NSMCE1: variants seen among roughly 807,000 people sequenced by gnomAD.
NSMCE1 encodes the protein non-structural maintenance of chromosomes element 1 homolog.
A neutral mutation model predicts 29.6 loss-of-function variants in NSMCE1; 18 were observed. The ratio of observed to expected loss-of-function variants is 0.61; its 90% CI spans 0.42 to 0.90. NSMCE1 has a LOEUF of 0.90. Among genes scored for constraint, NSMCE1 ranks in the 40% least tolerant of loss-of-function variants. The probability of loss-of-function intolerance (pLI) is 0.00; values close to 1 mark genes in which losing one functional copy is unlikely to be tolerated. For missense variants in NSMCE1, 314 were observed against 343.6 expected (o/e 0.91, Z 0.68); for synonymous variants, 124 against 133.4 (o/e 0.93, Z 0.49).
At chr16:27,251,214 CTG>C (rs1268296801) in intron 2 of NSMCE1, among the ~76,000 whole-genome samples, 1 of 104,190 alleles carries the variant, frequency 9.6e-6, no homozygotes, top group East Asian at 3.3e-4. Flanking sequence ...ATATAAAACT[CTG>C]TAGAGTTCAG....
At chr16:27,259,254 T>C (rs1470392560) in intron 1 of NSMCE1, among the ~76,000 whole-genome samples, 3 of 152,160 alleles carry the variant, frequency 2.0e-5, no homozygotes, top group Non-Finnish European at 2.9e-5. Flanking sequence ...GCAAATCATC[T>C]GGTGTGGACG....
At chr16:27,231,242 G>A (rs1043732799) in intron 5 of NSMCE1, among the ~76,000 whole-genome samples, 2 of 152,244 alleles carry the variant, frequency 1.3e-5, no homozygotes, top group Non-Finnish European at 2.9e-5. Flanking sequence ...CACCTGTCCA[G>A]TCATCCATTC....
intron 1 of NSMCE1, among the ~76,000 whole-genome samples, chr16:27,267,239 T>C (rs1030551013): frequency 2.0e-5 from 3 of 152,260 alleles, no homozygotes; most frequent in Non-Finnish European, 4.4e-5. Context: ...TTAAATCAAT[T>C]TATTTAAATT....
intron 2 of NSMCE1, chr16:27,241,268 A>G (rs1198789695): frequency 6.6e-6 from 1 of 152,234 alleles, no homozygotes; most frequent in Non-Finnish European, 1.5e-5. Flanking sequence ...CTAGGCAATA[A>G]AAACATAAAA....
At chr16:27,245,712 G>A (rs752920986) in intron 2 of NSMCE1, among the ~76,000 whole-genome samples, 1 of 152,184 alleles carries the variant, frequency 6.6e-6, no homozygotes, top group Non-Finnish European at 1.5e-5. Context: ...CGAGTCACAC[G>A]TTAGATGTTA....
rs1417552358 is a variant in NSMCE1, at chr16:27,232,049, G to A, written c.483+952C>T. Among the ~76,000 whole-genome samples the A allele has an allele frequency of 6.6e-6, 1 of 152,178 alleles. No homozygotes were observed. Among genetic ancestry groups the A allele is most frequent in the African/African-American group, 2.4e-5 (1 of 41,442 alleles). On this transcript the variant is annotated intron_variant, in intron 5 of 7. Coordinates refer to ENST00000361439, the MANE Select transcript of NSMCE1 (RefSeq NM_145080.4). The surrounding 1 kb of genome is among the most constrained non-coding windows in gnomAD (Gnocchi z 4.5). ...GAATTCGGGTCAGGTTCCTGGGACA[G>A]GCCCACCCTAAATAGAAATCAGTAA...
intron 2 of NSMCE1, 136 bp from the exon 3 acceptor site, chr16:27,235,435 G>C: frequency 1.1e-6 from 1 of 895,486 alleles, no homozygotes; most frequent in South Asian, 1.5e-5. Flanking sequence ...GCAGCCTCTT[G>C]GGTGAACGCC....
Position 27,225,770 on chromosome 16 carries a change from G to A in NSMCE1, c.677C>T (p.Pro226Leu), listed in dbSNP as rs953578521. The A allele has an allele frequency of 1.6e-5, 26 of 1,614,040 alleles. No individual in the cohort carries two copies. The highest frequency in any genetic ancestry group is 2.1e-5 in the Non-Finnish European group (25 of 1,180,026). Residue 226 changes from proline to leucine, a missense_variant, in exon 7 of 8, where the codon CCG (proline) becomes CTG (leucine). Physicochemically the swap from Pro to Leu is moderately conservative, Grantham distance 98. Transcript: ENST00000361439. Reference sequence around the variant, plus strand: ...GTAGTCGTTGCAGTGGGGGCAGCGCGGTTCAGCATTCGACTGGAAGTACTT... The same window carrying A: ...GTAGTCGTTGCAGTGGGGGCAGCGCAGTTCAGCATTCGACTGGAAGTACTT... ...VAKYFQSNAEPRCPHCNDYWP... is the reference protein window; with the variant it reads ...VAKYFQSNAELRCPHCNDYWP...
intron 2 of NSMCE1, among the ~76,000 whole-genome samples, chr16:27,248,920 C>T (rs150223351): frequency 6.6e-6 from 1 of 152,138 alleles, no homozygotes; most frequent in Non-Finnish European, 1.5e-5. Flanking sequence ...CCTCTGCCTC[C>T]CAGGCTCAAG....
At chr16:27,235,813 G>A (rs2083816687) in intron 2 of NSMCE1, among the ~76,000 whole-genome samples, 1 of 152,156 alleles carries the variant, frequency 6.6e-6, no homozygotes, top group South Asian at 2.1e-4. Flanking sequence ...TTACATGCCA[G>A]GCTTGTGCTG....
chr16:27,226,949 G>A (rs1017486643), intron 5 of NSMCE1, 113 bp from the exon 6 acceptor site: 24 of 716,658 alleles, frequency 3.3e-5, no homozygotes, highest in Non-Finnish European at 5.6e-5. Context: ...AAGGGTCTAC[G>A]CAGCTTTTCA....
At chr16:27,268,480 G>A (rs764041644) in intron 1 of NSMCE1, 2 of 152,188 alleles carry the variant, frequency 1.3e-5, no homozygotes, top group Non-Finnish European at 2.9e-5. Flanking sequence ...GTTGCGGGAG[G>A]ACATCCCAGT....
intron 2 of NSMCE1, among the ~76,000 whole-genome samples, chr16:27,249,034 T>G (rs138677174): frequency 6.6e-6 from 1 of 152,188 alleles, no homozygotes; most frequent in East Asian, 1.9e-4. Context: ...TTTGTCATGT[T>G]GCCCAGGCTG....
intron 2 of NSMCE1, among the ~76,000 whole-genome samples, chr16:27,237,447 C>T (rs1314037776): frequency 1.3e-5 from 2 of 152,220 alleles, no homozygotes; most frequent in Admixed American, 1.3e-4. Flanking sequence ...TCTTTGCTGG[C>T]GTGGGAGCCG....
intron 3 of NSMCE1, among the ~76,000 whole-genome samples, chr16:27,234,637 T>G (rs1470803359): frequency 1.3e-5 from 2 of 152,232 alleles, no homozygotes; most frequent in Admixed American, 6.5e-5. Context: ...GTTCTTTGAC[T>G]CTGTAATGTT....
chr16:27,228,663 C>A (rs1349854735), intron 5 of NSMCE1, among the ~76,000 whole-genome samples: 2 of 134,926 alleles, frequency 1.5e-5, no homozygotes, highest in East Asian at 4.5e-4. Flanking sequence ...CCCTCTTCCA[C>A]CCTCCCCTCC....
intron 5 of NSMCE1, chr16:27,230,854 A>G (rs1056445453): frequency 1.3e-5 from 2 of 152,382 alleles, no homozygotes; most frequent in East Asian, 3.9e-4. Context: ...CCGAACTGAG[A>G]AAGGCACAGA....
intron 3 of NSMCE1, among the ~76,000 whole-genome samples, chr16:27,234,658 G>A (rs990182696): frequency 6.6e-6 from 1 of 152,104 alleles, no homozygotes; most frequent in African/African-American, 2.4e-5. Flanking sequence ...TTTTTTCCAG[G>A]GAATTGAGTT....
At chr16:27,236,141 G>T (rs1478164712) in intron 2 of NSMCE1, among the ~76,000 whole-genome samples, 3 of 152,194 alleles carry the variant, frequency 2.0e-5, no homozygotes, top group Non-Finnish European at 4.4e-5. Context: ...ATTGCCGGGG[G>T]CTCAGCTGAG....
Sources: allele counts gnomAD v4.1 joint callset (sites outside exome capture counted in the v4.1 genomes callset), GRCh38; gene constraint gnomAD v4.1.1; non-coding constraint Gnocchi (gnomAD v3.1); transcripts MANE v1.5; gene names NCBI Gene and HGNC (gene_info 2026-07-23, HGNC 2026-07-21).